The following KIF13B variants were observed in gnomAD, a reference collection of about 807,000 sequenced individuals.
The protein encoded by KIF13B is kinesin family member 13B.
A neutral mutation model predicts 222.0 loss-of-function variants in KIF13B; 127 were observed. The ratio of observed to expected loss-of-function variants is 0.57; its 90% CI spans 0.50 to 0.66. KIF13B has a LOEUF of 0.66. Ranked by LOEUF, KIF13B falls within the 30% of genes least tolerant of loss-of-function variation. The probability of loss-of-function intolerance (pLI) is 0.00; values close to 1 mark genes in which losing one functional copy is unlikely to be tolerated. For synonymous variants in KIF13B, 976 were observed against 919.0 expected (o/e 1.06, Z -1.12); for missense variants, 2,173 against 2,379.0 (o/e 0.91, Z 1.80).
Position 29,145,805 on chromosome 8 carries a change from CA to C in KIF13B, c.2187+572del, listed in dbSNP as rs11371242. 4.9e-3 allele frequency: 629 copies of C among 127,202 alleles called. 4 individuals are homozygous for C. The highest frequency in any genetic ancestry group is 0.039 in the East Asian group (160 of 4,150). 7.9% of individuals were successfully genotyped at this position (127,202 alleles called of 1,614,324 possible). On this transcript the variant is annotated intron_variant, in intron 18 of 39. Transcript: ENST00000524189. ...GTGATCAAGAGCTAGAAAAGAACCT[CA>C]AAAAAAAAAAAAAAAGATGAAGGAA...
chr8:29,156,960 A>G (rs1811560904), intron 13 of KIF13B, among the ~76,000 whole-genome samples: 1 of 152,144 alleles, frequency 6.6e-6, no homozygotes, highest in East Asian at 1.9e-4. Context: ...TCCTTCTCCA[A>G]TAATAATGGA....
intron 2 of KIF13B, among the ~76,000 whole-genome samples, chr8:29,224,666 C>T (rs1413316546): frequency 6.6e-6 from 1 of 151,246 alleles, no homozygotes; most frequent in Non-Finnish European, 1.5e-5. Context: ...TATAGAACCC[C>T]CCCCCATTCA....
In KIF13B at chr8:29,127,241, CT is replaced by C; in HGVS notation, c.3102del (p.Val1035Ter). 6.2e-7 allele frequency: 1 copy of C among 1,613,940 alleles called. No homozygotes were observed. The highest frequency in any genetic ancestry group is 8.5e-7 in the Non-Finnish European group (1 of 1,179,860). The part of the protein sequence containing the change: ...RQGQSRRVQV[E>X]VKSVQESGTL... ...GTCCCAGATTCCTGCACTGACTTCA[CT>C]TCGACTTGAACTCTCCGGGACTGCC... is the stretch of plus-strand genomic sequence containing the variant. On this transcript the variant is annotated frameshift_variant, in exon 25 of 40. Coordinates refer to ENST00000524189, the MANE Select transcript of KIF13B (RefSeq NM_015254.4). LOFTEE classifies it high-confidence loss of function.
intron 1 of KIF13B, among the ~76,000 whole-genome samples, chr8:29,246,524 G>A (rs1354180205): frequency 2.0e-5 from 3 of 151,864 alleles, no homozygotes; most frequent in Non-Finnish European, 4.4e-5. Context: ...CTGTTAAGAT[G>A]ACAATATTCC....
At chr8:29,227,964 G>A (rs1310380845) in intron 2 of KIF13B, among the ~76,000 whole-genome samples, 3 of 151,662 alleles carry the variant, frequency 2.0e-5, no homozygotes, top group African/African-American at 7.3e-5. Flanking sequence ...TTTTTTTTAA[G>A]TCTGCTCTAG....
At chr8:29,199,572 TC>T (rs1184392567) in intron 2 of KIF13B, among the ~76,000 whole-genome samples, 29 of 23,408 alleles carry the variant, frequency 1.2e-3, no homozygotes, top group African/African-American at 4.3e-3. Flanking sequence ...TATTCCAAAA[TC>T]CAAAAAAAAA....
intron 2 of KIF13B, among the ~76,000 whole-genome samples, chr8:29,231,818 TAAACA>T (rs917321903): frequency 3.3e-5 from 5 of 152,042 alleles, no homozygotes; most frequent in African/African-American, 1.2e-4. Flanking sequence ...TGTGTATATG[TAAACA>T]AAACAAAGAA....
In KIF13B at chr8:29,070,802, C is replaced by G; in HGVS notation, c.5219-36G>C. ...AGGAGAGGGTGATATGGAGGGCAGC[C>G]GAGCTGCAGACGGCCCCCTGCACCT... On this transcript the variant is annotated intron_variant, in intron 39 of 39. Transcript: ENST00000524189. The surrounding 1 kb of genome is among the most constrained non-coding windows in gnomAD (Gnocchi z 4.1). 1 of 1,573,950 alleles carries G rather than the reference C, an allele frequency of 6.4e-7. No homozygotes were observed. Among genetic ancestry groups the G allele is most frequent in the Non-Finnish European group, 8.6e-7 (1 of 1,160,570 alleles).
At chr8:29,116,525 C>A (rs955883750) in intron 31 of KIF13B, among the ~76,000 whole-genome samples, 5 of 152,094 alleles carry the variant, frequency 3.3e-5, no homozygotes, top group South Asian at 2.1e-4. Flanking sequence ...TTGACAGGGC[C>A]CAGATGAAAA....
intron 31 of KIF13B, among the ~76,000 whole-genome samples, chr8:29,116,109 C>T (rs1809583557): frequency 6.6e-6 from 1 of 152,210 alleles, no homozygotes; most frequent in Non-Finnish European, 1.5e-5. Flanking sequence ...ATCGCCCAGA[C>T]TGGACTCAAA....
chr8:29,228,472 A>AAAAAAAAAAAAAAGTAT, intron 2 of KIF13B, among the ~76,000 whole-genome samples: 1 of 117,086 alleles, frequency 8.5e-6, no homozygotes, highest in African/African-American at 3.3e-5. Flanking sequence ...ATCTTAAAAA[A>AAAAAAAAAAAAAAGTAT]ATATATATAT....
At position 29,140,122 on chromosome 8, in the gene KIF13B, C is replaced by T. The variant is rs766419855; in HGVS notation, c.2554G>A (p.Asp852Asn). The part of the protein sequence containing the change: ...GDVGERIAGG[D>N]EVAEVSFEKE... ...TCAAAGGAGACCTCTGCCACCTCAT[C>T]GCCTCCTGCGATCCTCTCCCCAACA... The change falls in exon 21 of 40, where the codon GAT becomes AAT. Residue 852 changes from aspartate (D) to asparagine (N), a missense_variant. By Grantham distance (23) the Asp-to-Asn change is conservative. Coordinates refer to ENST00000524189, the MANE Select transcript of KIF13B (RefSeq NM_015254.4). 13 of 1,612,614 alleles carry T rather than the reference C, an allele frequency of 8.1e-6. No individual in the cohort carries two copies. The East Asian group carries it at 8.9e-5, about 11-fold the overall frequency.
chr8:29,078,724 A>G (rs1260125748), intron 37 of KIF13B, among the ~76,000 whole-genome samples: 1 of 152,248 alleles, frequency 6.6e-6, no homozygotes, highest in Non-Finnish European at 1.5e-5. Context: ...ATTTCACACT[A>G]CAGAAACCGA....
At chr8:29,235,935 A>G (rs1815488218) in intron 2 of KIF13B, among the ~76,000 whole-genome samples, 1 of 152,230 alleles carries the variant, frequency 6.6e-6, no homozygotes, top group South Asian at 2.1e-4. Flanking sequence ...AGGAAAATAA[A>G]CAAGGTTTGG....
chr8:29,224,067 T>C (rs7824449), intron 2 of KIF13B, among the ~76,000 whole-genome samples: 31,866 of 148,184 alleles, frequency 0.22, 3,582 homozygotes, highest in African/African-American at 0.27. Flanking sequence ...GGTGCCATCT[T>C]GGCTCACTGC....
chr8:29,114,236 A>G (rs1809492588), intron 31 of KIF13B, among the ~76,000 whole-genome samples: 1 of 152,210 alleles, frequency 6.6e-6, no homozygotes. Context: ...CCGAGCTTTC[A>G]CCCCATGCAA....
intron 23 of KIF13B, among the ~76,000 whole-genome samples, chr8:29,130,983 A>T (rs954326017): frequency 1.3e-5 from 2 of 152,202 alleles, no homozygotes; most frequent in Non-Finnish European, 2.9e-5. Flanking sequence ...ACACAGCCAT[A>T]AAAAAATACA....
intron 37 of KIF13B, among the ~76,000 whole-genome samples, chr8:29,084,495 C>A (rs9694464): frequency 0.012 from 1,782 of 152,232 alleles, 21 homozygotes; most frequent in African/African-American, 0.027. Context: ...ACACGTGAGG[C>A]TATGTTGAAA....
chr8:29,250,144 C>T, intron 1 of KIF13B: 1 of 867,240 alleles, frequency 1.2e-6, no homozygotes, highest in South Asian at 1.4e-5. Flanking sequence ...TCACCACCCA[C>T]CACAAAGTTG....
Sources: gnomAD v4.1 joint callset for allele counts (sites outside exome capture counted in the v4.1 genomes callset) on GRCh38, gnomAD v4.1.1 for gene constraint, Gnocchi (gnomAD v3.1) non-coding constraint, MANE v1.5 for transcripts, NCBI Gene and HGNC (gene_info 2026-07-23, HGNC 2026-07-21) for gene names.